ZFR2: variants seen among roughly 807,000 people sequenced by gnomAD.
ZFR2 encodes the protein zinc finger RNA binding protein 2.
A neutral mutation model predicts 105.7 loss-of-function variants in ZFR2; 104 were observed. The observed-to-expected ratio is 0.98, with a 90% confidence interval of 0.84 to 1.16. ZFR2 has a LOEUF of 1.16. ZFR2 is among the 50% of genes most tolerant of loss of function. ZFR2 has a pLI of 0.00. For synonymous variants in ZFR2, 634 were observed against 597.7 expected (o/e 1.06, Z -0.89); for missense variants, 1,425 against 1,355.5 (o/e 1.05, Z -0.80).
At position 3,805,868 on chromosome 19, in the gene ZFR2, G is replaced by C. The variant is rs1203510421; in HGVS notation, c.*81C>G. On this transcript the variant is annotated 3_prime_UTR_variant, in exon 19 of 19. Transcript: ENST00000262961. ...GGAAATGACCATTGTCCAACGTCGG[G>C]GATGAAGCAGCCATTGGTCGGCGCG... is the stretch of plus-strand genomic sequence containing the variant. The C allele has an allele frequency of 7.9e-6, 11 of 1,385,428 alleles. No individual in the cohort carries two copies. The East Asian group carries it at 3.1e-4, about 39-fold the overall frequency. 85.8% of individuals were successfully genotyped at this position (1,385,428 alleles called of 1,614,324 possible).
intron 1 of ZFR2, among the ~76,000 whole-genome samples, chr19:3,862,582 G>C (rs983827798): frequency 8.5e-5 from 13 of 152,194 alleles, no homozygotes; most frequent in African/African-American, 2.7e-4. Context: ...ACAAGTGTGA[G>C]CCACCGTGCC....
At chr19:3,840,326 C>G (rs934712065) in intron 1 of ZFR2, among the ~76,000 whole-genome samples, 3 of 146,652 alleles carry the variant, frequency 2.0e-5, no homozygotes, top group Admixed American at 1.4e-4. Context: ...CAACCTCTGC[C>G]CCTCGGGTTC....
At chr19:3,811,188 G>A (rs1465989476) in intron 15 of ZFR2, 84 bp downstream of exon 15, 18 of 1,346,382 alleles carry the variant, frequency 1.3e-5, no homozygotes, top group Middle Eastern at 2.7e-4. Flanking sequence ...GGGCTGAGGC[G>A]GCCGCGCCGG....
intron 3 of ZFR2, among the ~76,000 whole-genome samples, chr19:3,832,410 C>A (rs1228234584): frequency 6.6e-6 from 1 of 151,774 alleles, no homozygotes; most frequent in Non-Finnish European, 1.5e-5. Context: ...CAACCTCCAC[C>A]TTCCAGGTTC....
chr19:3,822,110 T>TTAA lies in ZFR2; in HGVS notation c.1461_1462insTTA (p.Val487_Arg488insLeu). The TTAA allele has an allele frequency of 6.2e-7, 1 of 1,609,026 alleles. No homozygotes were observed. The highest frequency in any genetic ancestry group is 8.5e-7 in the Non-Finnish European group (1 of 1,178,152). ...TACTGCAGCCGGTGCCGCCGCCCCCTCACGTGCAGGTCCTTCGCGTTAAGG... is the reference window on the plus strand; with the variant it reads ...TACTGCAGCCGGTGCCGCCGCCCCCTTAACACGTGCAGGTCCTTCGCGTTAAGG... On this transcript the variant is annotated inframe_insertion, in exon 9 of 19. Coordinates refer to ENST00000262961, the MANE Select transcript of ZFR2 (RefSeq NM_015174.2).
chr19:3,807,344 G>A (rs1293864817), intron 17 of ZFR2, 75 bp from the exon 18 acceptor site: 18 of 1,133,760 alleles, frequency 1.6e-5, no homozygotes, highest in Non-Finnish European at 2.2e-5. Flanking sequence ...GCCGTCCCTC[G>A]ACACCGTGGG....
chr19:3,816,033 G>T (rs1045350831), intron 13 of ZFR2, among the ~76,000 whole-genome samples: 3 of 151,834 alleles, frequency 2.0e-5, no homozygotes, highest in East Asian at 1.9e-4. Context: ...GGGATTACAG[G>T]TGTGAGCCAC....
intron 5 of ZFR2, among the ~76,000 whole-genome samples, chr19:3,828,949 G>A (rs2037981310): frequency 6.9e-6 from 1 of 145,480 alleles, no homozygotes; most frequent in South Asian, 2.1e-4. Flanking sequence ...CATGCTCTCT[G>A]GAACTTAGGA....
chr19:3,850,819 C>T (rs1392844824), intron 1 of ZFR2, among the ~76,000 whole-genome samples: 4 of 145,658 alleles, frequency 2.7e-5, no homozygotes, highest in Admixed American at 7.1e-5. Context: ...GTGGGAGGCT[C>T]GATTAAGCTC....
Position 3,811,366 on chromosome 19 carries a change from C to T in ZFR2, c.2243G>A (p.Gly748Asp). ...LMREDPSTDP[G>D]VEEPQADAGD... Reference sequence around the variant, plus strand: ...TGCATCAGCCTGAGGCTCCTCCACACCTTCTAGAAGAAAAACCTCGAGGTG... The same window carrying T: ...TGCATCAGCCTGAGGCTCCTCCACATCTTCTAGAAGAAAAACCTCGAGGTG... Residue 748 changes from glycine to aspartate, a missense_variant and splice_region_variant, in exon 15 of 19, where the codon GGT (glycine) becomes GAT (aspartate). By Grantham distance (94) the Gly-to-Asp change is moderately conservative. Coordinates refer to ENST00000262961, the MANE Select transcript of ZFR2 (RefSeq NM_015174.2). The T allele has an allele frequency of 6.3e-7, 1 of 1,587,022 alleles. No individual in the cohort carries two copies. The highest frequency in any genetic ancestry group is 1.2e-5 in the South Asian group (1 of 86,632).
In ZFR2 at chr19:3,847,708, G is replaced by T. The variant is rs79800638; in HGVS notation, c.54-12725C>A. Among the ~76,000 whole-genome samples the T allele has an allele frequency of 6.0e-3, 913 of 152,258 alleles. 12 individuals are homozygous for T. The highest frequency in any genetic ancestry group is 0.021 in the African/African-American group (878 of 41,544). ...GGAACAATTTGCAGACGTATTTCTA[G>T]ACTGCCTCACGTTGTTTCCAATCTT... On this transcript the variant is annotated intron_variant, in intron 1 of 18. Transcript: ENST00000262961.
chr19:3,837,924 T>C (rs2038094615), intron 1 of ZFR2, among the ~76,000 whole-genome samples: 1 of 151,576 alleles, frequency 6.6e-6, no homozygotes, highest in Non-Finnish European at 1.5e-5. Flanking sequence ...TGACACACGA[T>C]GAACATGACT....
chr19:3,829,685 A>T (rs2145156836), intron 5 of ZFR2, among the ~76,000 whole-genome samples: 1 of 151,952 alleles, frequency 6.6e-6, no homozygotes, highest in African/African-American at 2.4e-5. Context: ...GCTAATTTTT[A>T]AATTTTTTTT....
chr19:3,835,034 A>G (rs1308634744), intron 1 of ZFR2, 51 bp from the exon 2 acceptor site: 97 of 1,549,386 alleles, frequency 6.3e-5, no homozygotes, highest in Non-Finnish European at 8.4e-5. Flanking sequence ...GCGAGTTCTC[A>G]GGTGCACTGA....
rs191371035 is a variant in ZFR2 at position 3,838,402 on chromosome 19, C to T, written c.54-3419G>A. Among the ~76,000 whole-genome samples the T allele has an allele frequency of 2.2e-4, 33 of 152,244 alleles. No homozygotes were observed. The highest frequency in any genetic ancestry group is 6.5e-4 in the African/African-American group (27 of 41,556). ...GTGCTATCCAGGCTGCACTGAGCAC[C>T]GACCGATGAGCCAAAGAGAGGAAGG... On this transcript the variant is annotated intron_variant, in intron 1 of 18. Transcript: ENST00000262961. This position sits in a 1 kb window ranked among gnomAD's most constrained non-coding sequence, Gnocchi z 4.9.
chr19:3,820,939 C>G (rs1280882370), intron 10 of ZFR2, among the ~76,000 whole-genome samples: 11 of 66,292 alleles, frequency 1.7e-4, no homozygotes, highest in African/African-American at 7.2e-4. Flanking sequence ...TCGGGGGACA[C>G]AGGGACACTA....
Position 3,851,317 on chromosome 19 carries a change from A to G in ZFR2, c.54-16334T>C, listed in dbSNP as rs77327634. 5.6e-3 allele frequency among the ~76,000 whole-genome samples: 851 copies of G among 152,268 alleles called. 13 individuals are homozygous for G. The highest frequency in any genetic ancestry group is 0.02 in the African/African-American group (813 of 41,542). ...GCAGTGTAGGGCTTTACAAACACCT[A>G]AAACAGGGCCTGGGAACAGCCAAGA... is the stretch of plus-strand genomic sequence containing the variant. On this transcript the variant is annotated intron_variant, in intron 1 of 18. Coordinates refer to ENST00000262961, the MANE Select transcript of ZFR2 (RefSeq NM_015174.2).
chr19:3,807,164 C>A lies in ZFR2; in HGVS notation c.2643+8G>T, dbSNP rs2037705252. ...GGTGTCACCCTTGCCGTGACTTGACCCTCCTACCTGGGCGCTGGCGGTCAC... is the reference window on the plus strand; with the variant it reads ...GGTGTCACCCTTGCCGTGACTTGACACTCCTACCTGGGCGCTGGCGGTCAC... On this transcript the variant is annotated splice_region_variant and intron_variant, in intron 18 of 18. Transcript: ENST00000262961. 6.5e-7 allele frequency: 1 copy of A among 1,550,272 alleles called. No homozygotes were observed. Among genetic ancestry groups the A allele is most frequent in the South Asian group, 1.2e-5 (1 of 83,968 alleles).
rs941116839 is a variant in ZFR2, at chr19:3,825,383, C to G, written c.1060G>C (p.Gly354Arg). The change falls in exon 7 of 19, where the codon GGG becomes CGG. Residue 354 changes from glycine to arginine, a missense_variant. Physicochemically the swap from Gly to Arg is moderately radical, Grantham distance 125 (BLOSUM62 -2). Transcript: ENST00000262961. The part of the protein sequence containing the change: ...QKVFKLHAKL[G>R]KPIPTLEPAL... ...GGCTCGAGGGTGGGAATGGGCTTCC[C>G]CAGTTTGGCGTGCAGCTTGAAGACC... is the stretch of plus-strand genomic sequence containing the variant. The G allele has an allele frequency of 1.3e-6, 2 of 1,586,328 alleles. No homozygotes were observed. Among genetic ancestry groups the G allele is most frequent in the Non-Finnish European group, 8.6e-7 (1 of 1,168,770 alleles).
Sources: allele counts gnomAD v4.1 joint callset (sites outside exome capture counted in the v4.1 genomes callset), GRCh38; gene constraint gnomAD v4.1.1; non-coding constraint Gnocchi (gnomAD v3.1); transcripts MANE v1.5; gene names NCBI Gene and HGNC (gene_info 2026-07-23, HGNC 2026-07-21).